The following CLSTN2 variants were observed in gnomAD, a reference collection of about 807,000 sequenced individuals.
CLSTN2 encodes the protein calsyntenin 2.
Under a neutral mutation model 101.2 loss-of-function variants are expected in CLSTN2, and 48 were observed. The ratio of observed to expected loss-of-function variants is 0.47; its 90% CI spans 0.38 to 0.60. The LOEUF is 0.60. Among genes scored for constraint, CLSTN2 ranks in the 20% least tolerant of loss-of-function variants. The probability of loss-of-function intolerance (pLI) is 0.00; values close to 1 mark genes in which losing one functional copy is unlikely to be tolerated. For synonymous variants in CLSTN2, 481 were observed against 463.6 expected, an observed-to-expected ratio of 1.04 and a Z score of -0.48; for missense variants, 1,160 against 1,238.2, an observed-to-expected ratio of 0.94 and a Z score of 0.95.
At chr3:140,274,369 C>T (rs1437422545) in intron 2 of CLSTN2, among the ~76,000 whole-genome samples, 3 of 152,154 alleles carry the variant, frequency 2.0e-5, no homozygotes. Context: ...GACCAGCTCC[C>T]CAAAATCTGA....
At chr3:140,488,311 GTT>G (rs1403203617) in intron 8 of CLSTN2, among the ~76,000 whole-genome samples, 1 of 152,194 alleles carries the variant, frequency 6.6e-6, no homozygotes, top group Non-Finnish European at 1.5e-5. Context: ...AGGCTTTGGA[GTT>G]TCTCAGATCT....
intron 2 of CLSTN2, among the ~76,000 whole-genome samples, chr3:140,210,655 C>A (rs2010843716): frequency 6.6e-6 from 1 of 152,152 alleles, no homozygotes; most frequent in Non-Finnish European, 1.5e-5. Flanking sequence ...CGCAGTGAAT[C>A]CACACTGTGT....
intron 2 of CLSTN2, among the ~76,000 whole-genome samples, chr3:140,214,454 A>AAG (rs2107848483): frequency 6.3e-5 from 1 of 15,762 alleles, no homozygotes; most frequent in Admixed American, 8.3e-4. Flanking sequence ...ACTCTGTCTT[A>AAG]AAAAAAAAGA....
At chr3:140,491,517 T>TA (rs1256363131) in intron 8 of CLSTN2, among the ~76,000 whole-genome samples, 2 of 152,220 alleles carry the variant, frequency 1.3e-5, no homozygotes, top group Non-Finnish European at 2.9e-5. Flanking sequence ...TTCACAGTTG[T>TA]AAAATGAAAT....
At chr3:140,268,865 G>C (rs183941501) in intron 2 of CLSTN2, among the ~76,000 whole-genome samples, 3 of 152,168 alleles carry the variant, frequency 2.0e-5, no homozygotes, top group Non-Finnish European at 4.4e-5. Flanking sequence ...GTACAGGATA[G>C]AAACTATAAG....
At chr3:140,271,029 A>C (rs1163046523) in intron 2 of CLSTN2, among the ~76,000 whole-genome samples, 1 of 152,214 alleles carries the variant, frequency 6.6e-6, no homozygotes, top group Admixed American at 6.5e-5. Flanking sequence ...TCCTCCTGCT[A>C]GATAATTCTT....
intron 1 of CLSTN2, among the ~76,000 whole-genome samples, chr3:140,102,059 T>C (rs1465978826): frequency 6.6e-6 from 1 of 152,200 alleles, no homozygotes; most frequent in Non-Finnish European, 1.5e-5. Context: ...AAATTCTTGA[T>C]GAAAGAGGCC....
At chr3:140,404,363 C>T (rs1156853410) in intron 3 of CLSTN2, among the ~76,000 whole-genome samples, 195 bp from the exon 4 acceptor site, 1 of 152,180 alleles carries the variant, frequency 6.6e-6, no homozygotes, top group Non-Finnish European at 1.5e-5. Flanking sequence ...GGATTCATCT[C>T]AGAGCGTCAG....
chr3:140,566,346 G>A lies in CLSTN2; in HGVS notation c.*93G>A. 1 of 1,297,340 alleles carries A rather than the reference G, an allele frequency of 7.7e-7. No homozygotes were observed. Among genetic ancestry groups the A allele is most frequent in the Non-Finnish European group, 1.1e-6 (1 of 926,544 alleles). 80.4% of individuals were successfully genotyped at this position (1,297,340 alleles called of 1,614,324 possible). ...CTATCATACCTCACCTCTGATGTCT[G>A]TGACATGTCTGGGAAGGCCTTCTCC... On this transcript the variant is annotated 3_prime_UTR_variant, in exon 17 of 17. Coordinates refer to ENST00000458420, the MANE Select transcript of CLSTN2 (RefSeq NM_022131.3).
intron 2 of CLSTN2, among the ~76,000 whole-genome samples, chr3:140,222,874 GAA>G (rs3035937): frequency 4.1e-4 from 58 of 143,204 alleles, no homozygotes; most frequent in African/African-American, 1.3e-3. Flanking sequence ...AAAATTTTAA[GAA>G]AAAAAAAAAA....
chr3:140,530,149 T>G (rs1935224074), intron 8 of CLSTN2, among the ~76,000 whole-genome samples: 1 of 152,204 alleles, frequency 6.6e-6, no homozygotes, highest in Non-Finnish European at 1.5e-5. Flanking sequence ...ATAATACCAT[T>G]TATAATAGCT....
At chr3:140,517,117 C>T (rs1339983906) in intron 8 of CLSTN2, among the ~76,000 whole-genome samples, 2 of 152,022 alleles carry the variant, frequency 1.3e-5, no homozygotes, top group Non-Finnish European at 2.9e-5. Flanking sequence ...TTCCATTCTA[C>T]TGTTGAGACT....
At chr3:140,389,253 C>T (rs535728200) in intron 2 of CLSTN2, among the ~76,000 whole-genome samples, 1 of 152,258 alleles carries the variant, frequency 6.6e-6, no homozygotes, top group East Asian at 1.9e-4. Context: ...GTATTAAGCC[C>T]CACATGCATT....
At chr3:140,424,628 C>T (rs1358342236) in intron 5 of CLSTN2, among the ~76,000 whole-genome samples, 2 of 152,134 alleles carry the variant, frequency 1.3e-5, no homozygotes, top group East Asian at 1.9e-4. Flanking sequence ...CTATGTTTTA[C>T]TGGCTTGCTT....
intron 2 of CLSTN2, among the ~76,000 whole-genome samples, chr3:140,300,612 T>A (rs1026591622): frequency 4.6e-5 from 7 of 152,096 alleles, no homozygotes; most frequent in African/African-American, 1.7e-4. Context: ...TGAATGTAGA[T>A]CTGAAGAATA....
chr3:140,347,883 C>T (rs1464088397), intron 2 of CLSTN2, among the ~76,000 whole-genome samples: 1 of 152,186 alleles, frequency 6.6e-6, no homozygotes, highest in Non-Finnish European at 1.5e-5. Flanking sequence ...TAGACAAGTC[C>T]AATCAACTAA....
chr3:140,299,567 G>T (rs2087037805), intron 2 of CLSTN2, among the ~76,000 whole-genome samples: 1 of 152,130 alleles, frequency 6.6e-6, no homozygotes, highest in Non-Finnish European at 1.5e-5. Context: ...AGAGGAGTGT[G>T]TATCAGTCCT....
chr3:140,505,309 T>C (rs1934665664), intron 8 of CLSTN2, among the ~76,000 whole-genome samples: 1 of 152,166 alleles, frequency 6.6e-6, no homozygotes, highest in African/African-American at 2.4e-5. Flanking sequence ...CAGAACAAGA[T>C]TGGTCTGGGA....
At chr3:140,227,365 C>T (rs115235354) in intron 2 of CLSTN2, among the ~76,000 whole-genome samples, 2 of 152,348 alleles carry the variant, frequency 1.3e-5, no homozygotes, top group Non-Finnish European at 2.9e-5. Context: ...CTCCATGTCT[C>T]ACATCCAGGT....
Sources: gnomAD v4.1 joint callset for allele counts (sites outside exome capture counted in the v4.1 genomes callset) on GRCh38, gnomAD v4.1.1 for gene constraint, MANE v1.5 for transcripts, NCBI Gene and HGNC (gene_info 2026-07-23, HGNC 2026-07-21) for gene names.